The following ADGRA3 variants were observed in gnomAD, a reference collection of about 807,000 sequenced individuals.
The protein encoded by ADGRA3 is G-protein coupled receptor 125.
In ADGRA3, 56 loss-of-function variants were observed where a neutral mutation model predicts 119.8. That is an observed-to-expected ratio of 0.47 (90% CI 0.38 to 0.58). ADGRA3 has a LOEUF of 0.58. Ranked by LOEUF, ADGRA3 falls within the 20% of genes least tolerant of loss-of-function variation. The probability of loss-of-function intolerance (pLI) is 0.00; values close to 1 mark genes in which losing one functional copy is unlikely to be tolerated. For synonymous variants in ADGRA3, 607 were observed against 623.8 expected (o/e 0.97, Z 0.40); for missense variants, 1,516 against 1,649.0 (o/e 0.92, Z 1.40).
At position 22,390,343 on chromosome 4, in the gene ADGRA3, ACATAT is replaced by A. The variant is rs1560292157; in HGVS notation, c.2628-1165_2628-1161del. Among the ~76,000 whole-genome samples the A allele has an allele frequency of 2.6e-3, 249 of 96,636 alleles. 6 individuals carry two copies. The highest frequency in any genetic ancestry group is 0.013 in the African/African-American group (230 of 17,512). 63.4% of individuals were successfully genotyped at this position (96,636 alleles called of 152,430 possible). A position where few individuals can be genotyped will look rare whatever the true frequency, so the allele number is the denominator to read the frequency against. On this transcript the variant is annotated intron_variant, in intron 17 of 18. Coordinates refer to ENST00000334304, the MANE Select transcript of ADGRA3 (RefSeq NM_145290.4). ...GCTTATATATATATATATATAAAAT[ACATAT>A]TATATATATATAATACGTATTATAT... is the stretch of plus-strand genomic sequence containing the variant.
At chr4:22,470,068 T>C (rs1011528553) in intron 2 of ADGRA3, among the ~76,000 whole-genome samples, 1 of 152,202 alleles carries the variant, frequency 6.6e-6, no homozygotes. Context: ...TTAAATCAGC[T>C]ACATGGAAAA....
chr4:22,452,981 G>A (rs906740277), intron 4 of ADGRA3, among the ~76,000 whole-genome samples: 11 of 151,610 alleles, frequency 7.3e-5, no homozygotes, highest in East Asian at 1.9e-4. Flanking sequence ...AGTGGATCAC[G>A]AGGTCAGGAG....
chr4:22,424,559 A>G (rs751676682), intron 10 of ADGRA3, among the ~76,000 whole-genome samples: 7 of 152,196 alleles, frequency 4.6e-5, no homozygotes, highest in Non-Finnish European at 7.3e-5. Context: ...ATTTAGCTCA[A>G]AAGAGCATAT....
At chr4:22,443,004 A>G (rs1398414732) in intron 6 of ADGRA3, 141 bp from the exon 7 acceptor site, 1 of 706,518 alleles carries the variant, frequency 1.4e-6, no homozygotes. Context: ...GCTAGTATCA[A>G]CCAGGCTGCT....
At chr4:22,512,805 T>C (rs992427542) in intron 1 of ADGRA3, among the ~76,000 whole-genome samples, 2 of 152,118 alleles carry the variant, frequency 1.3e-5, no homozygotes, top group Non-Finnish European at 2.9e-5. Context: ...GCGAATAAAT[T>C]TGTTGTTTCA....
chr4:22,430,824 T>C (rs375358879), intron 10 of ADGRA3, among the ~76,000 whole-genome samples: 13 of 39,234 alleles, frequency 3.3e-4, no homozygotes, highest in African/African-American at 8.0e-4. Context: ...GATGGTTTCA[T>C]AGGCTGGGCC....
At chr4:22,433,480 T>C (rs1716265534) in intron 10 of ADGRA3, among the ~76,000 whole-genome samples, 2 of 152,150 alleles carry the variant, frequency 1.3e-5, no homozygotes, top group East Asian at 1.9e-4. Flanking sequence ...AATAAGCCCA[T>C]GGTTAATTAA....
chr4:22,431,132 A>T (rs1256809334), intron 10 of ADGRA3, among the ~76,000 whole-genome samples: 1 of 152,206 alleles, frequency 6.6e-6, no homozygotes, highest in Non-Finnish European at 1.5e-5. Flanking sequence ...AGGGGAGTGC[A>T]GAAGGGAAAT....
rs769391690 is a variant in ADGRA3 at position 22,461,805 on chromosome 4, G to A, written c.333C>T (p.Asp111=). 1.3e-6 allele frequency: 2 copies of A among 1,597,930 alleles called. No individual in the cohort carries two copies. The highest frequency in any genetic ancestry group is 1.7e-6 in the Non-Finnish European group (2 of 1,168,120). The change falls in exon 3 of 19, where the codon GAC becomes GAT. Residue 111 remains aspartate, a synonymous_variant. Transcript: ENST00000334304. The part of the protein sequence containing the change: ...FSGLSLLERL[D]LRNNLISSID... ...TACTACTAATAAGATTGTTTCGGAGGTCCCTGTTAAAAATAAAATAAAAGT... is the reference window on the plus strand; with the variant it reads ...TACTACTAATAAGATTGTTTCGGAGATCCCTGTTAAAAATAAAATAAAAGT...
chr4:22,500,107 C>G (rs1718998778), intron 1 of ADGRA3, among the ~76,000 whole-genome samples: 1 of 152,146 alleles, frequency 6.6e-6, no homozygotes, highest in South Asian at 2.1e-4. Context: ...TTGAGATGGT[C>G]GACCTGCACT....
At chr4:22,513,567 A>G (rs1719527900) in intron 1 of ADGRA3, among the ~76,000 whole-genome samples, 1 of 149,644 alleles carries the variant, frequency 6.7e-6, no homozygotes, top group Non-Finnish European at 1.5e-5. Context: ...GCTGGAGTGC[A>G]GTGGTGCGAT....
chr4:22,494,854 T>C (rs1483377799), intron 1 of ADGRA3, among the ~76,000 whole-genome samples: 1 of 151,942 alleles, frequency 6.6e-6, no homozygotes, highest in East Asian at 1.9e-4. Flanking sequence ...CTTATTTCAG[T>C]AGACCCCCCT....
intron 14 of ADGRA3, among the ~76,000 whole-genome samples, chr4:22,406,990 G>A (rs1714962983): frequency 6.6e-6 from 1 of 152,134 alleles, no homozygotes; most frequent in African/African-American, 2.4e-5. Context: ...AAGAATATAA[G>A]GCCGGGCGCA....
Position 22,515,953 on chromosome 4 carries a change from G to T in ADGRA3, c.-169C>A. On this transcript the variant is annotated 5_prime_UTR_variant, in exon 1 of 19. Coordinates refer to ENST00000334304, the MANE Select transcript of ADGRA3 (RefSeq NM_145290.4). ...ACATGCTCCTTTGTCCGCTGCGGCT[G>T]CGCTGGGCCTCTAGGGAGCCGGGGG... 7.8e-6 allele frequency: 2 copies of T among 258,044 alleles called. No homozygotes were observed. Among genetic ancestry groups the T allele is most frequent in the Non-Finnish European group, 6.1e-6 (1 of 165,002 alleles). 16.0% of individuals were successfully genotyped at this position (258,044 alleles called of 1,614,324 possible). A position where few individuals can be genotyped will look rare whatever the true frequency, so the allele number is the denominator to read the frequency against.
At position 22,413,664 on chromosome 4, in the gene ADGRA3, T is replaced by C. The variant is rs759521071; in HGVS notation, c.1960A>G (p.Thr654Ala). The change falls in exon 13 of 19, where the codon ACA (threonine) becomes GCA (alanine). Residue 654 changes from threonine (T) to alanine (A), a missense_variant. Transcript: ENST00000334304. The stretch of plus-strand genomic sequence containing the variant: ...CGTTTTCCATCATCAGCCAAATTTG[T>C]TGAATTTCCAGTGGCTGGAAAAAGC... ...GKLFPATGNS[T>A]NLADDGKRRT... The C allele has an allele frequency of 1.2e-6, 2 of 1,614,024 alleles. No homozygotes were observed. The highest frequency in any genetic ancestry group is 1.7e-6 in the Non-Finnish European group (2 of 1,179,936).
chr4:22,490,701 T>C (rs1229243961), intron 1 of ADGRA3, among the ~76,000 whole-genome samples: 3 of 152,192 alleles, frequency 2.0e-5, no homozygotes, highest in African/African-American at 7.2e-5. Flanking sequence ...GAAACATTTC[T>C]GAACTTTGCT....
intron 1 of ADGRA3, among the ~76,000 whole-genome samples, chr4:22,508,189 A>G (rs1334662310): frequency 6.6e-6 from 1 of 152,150 alleles, no homozygotes. Flanking sequence ...CACAAACACT[A>G]ATAGCTACCT....
intron 1 of ADGRA3, among the ~76,000 whole-genome samples, chr4:22,490,159 G>C (rs1718572924): frequency 6.6e-6 from 1 of 152,080 alleles, no homozygotes; most frequent in African/African-American, 2.4e-5. Context: ...TAAACTGTAA[G>C]TTTACATGAA....
intron 1 of ADGRA3, among the ~76,000 whole-genome samples, chr4:22,505,681 G>A (rs780283509): frequency 1.3e-5 from 2 of 151,228 alleles, no homozygotes; most frequent in Non-Finnish European, 2.9e-5. Context: ...AAAATTCCAC[G>A]GTTATCCCCC....
Sources: allele counts gnomAD v4.1 joint callset (sites outside exome capture counted in the v4.1 genomes callset), GRCh38; gene constraint gnomAD v4.1.1; transcripts MANE v1.5; gene names NCBI Gene and HGNC (gene_info 2026-07-23, HGNC 2026-07-21).